Variants in OTULIN observed in about 807,000 individuals in gnomAD.
The protein encoded by OTULIN is OTU deubiquitinase with linear linkage specificity.
In OTULIN, 15 loss-of-function variants were observed where a neutral mutation model predicts 39.6. The ratio of observed to expected loss-of-function variants is 0.38; its 90% confidence interval spans 0.25 to 0.58. The LOEUF (loss-of-function observed/expected upper bound fraction) is 0.58. OTULIN is among the 20% of genes least tolerant of loss of function. The probability of loss-of-function intolerance (pLI) is 0.66; values close to 1 mark genes in which losing one functional copy is unlikely to be tolerated. For synonymous variants in OTULIN, 156 were observed against 170.3 expected (o/e 0.92, Z 0.65); for missense variants, 319 against 445.9 (o/e 0.72, Z 2.56).
At position 14,695,407 on chromosome 5, in the gene OTULIN, C is replaced by T. The variant is rs1482787048; in HGVS notation, c.*2359C>T. 6.6e-6 allele frequency: 1 copy of T among 152,172 alleles called. No individual in the cohort carries two copies. Among genetic ancestry groups the T allele is most frequent in the African/African-American group, 2.4e-5 (1 of 41,448 alleles). 9.4% of individuals were successfully genotyped at this position (152,172 alleles called of 1,614,324 possible). On this transcript the variant is annotated 3_prime_UTR_variant, in exon 7 of 7. Coordinates refer to ENST00000284274, the MANE Select transcript of OTULIN (RefSeq NM_138348.6). ...TAAGTGGATTCAGGAGGATGTTCCA[C>T]TTAGAGCAGTCTTCAAAATGATAAG... is the stretch of plus-strand genomic sequence containing the variant.
intron 1 of OTULIN, among the ~76,000 whole-genome samples, chr5:14,672,306 G>A (rs147146425): frequency 4.6e-5 from 7 of 152,266 alleles, no homozygotes; most frequent in African/African-American, 1.7e-4. Flanking sequence ...GGTTCCCTGA[G>A]TGGGAACCAT....
At chr5:14,680,925 TG>T (rs1736232252) in intron 3 of OTULIN, among the ~76,000 whole-genome samples, 1 of 152,168 alleles carries the variant, frequency 6.6e-6, no homozygotes, top group African/African-American at 2.4e-5. Context: ...CTGGGCTTGG[TG>T]GCACATACCT....
chr5:14,695,141 TC>T lies in OTULIN; in HGVS notation c.*2095del, dbSNP rs1472392959. ...ATGTGTTTCTTTTATGTTGCTTATG[TC>T]CGAAGGCCTTGTCAGAATCTGTCAG... is the stretch of plus-strand genomic sequence containing the variant. On this transcript the variant is annotated 3_prime_UTR_variant, in exon 7 of 7. Coordinates refer to ENST00000284274, the MANE Select transcript of OTULIN (RefSeq NM_138348.6). The T allele has an allele frequency of 6.6e-6, 1 of 152,256 alleles. No individual in the cohort carries two copies. Among genetic ancestry groups the T allele is most frequent in the Non-Finnish European group, 1.5e-5 (1 of 68,040 alleles). The allele number at this position is 152,256 out of a possible 1,614,324, so 9.4% of individuals were successfully genotyped here.
At chr5:14,679,078 C>CT in intron 3 of OTULIN, among the ~76,000 whole-genome samples, 1 of 152,148 alleles carries the variant, frequency 6.6e-6, no homozygotes, top group Admixed American at 6.5e-5. Context: ...TGGGAATGTC[C>CT]TTTTTGGTCT....
chr5:14,665,083 C>T, intron 1 of OTULIN, 106 bp downstream of exon 1: 1 of 884,442 alleles, frequency 1.1e-6, no homozygotes, highest in Non-Finnish European at 1.4e-6. Flanking sequence ...TGGGCGTCTT[C>T]AATTCTGAGT....
rs1290825938 is a variant in OTULIN at position 14,694,823 on chromosome 5, TTAAAG to T, written c.*1779_*1783del. 1.3e-5 allele frequency: 2 copies of T among 152,676 alleles called. No homozygotes were observed. Among genetic ancestry groups the T allele is most frequent in the African/African-American group, 2.4e-5 (1 of 41,460 alleles). 9.5% of individuals were successfully genotyped at this position (152,676 alleles called of 1,614,324 possible). A position where few individuals can be genotyped will look rare whatever the true frequency, so the allele number is the denominator to read the frequency against. On this transcript the variant is annotated 3_prime_UTR_variant, in exon 7 of 7. Coordinates refer to ENST00000284274, the MANE Select transcript of OTULIN (RefSeq NM_138348.6). ...AATAAGAAGGTACCTAGAAGCCAAA[TTAAAG>T]TAATAATGACTTCTTATTGGCTTTG...
At chr5:14,668,664 C>T (rs1335165403) in intron 1 of OTULIN, among the ~76,000 whole-genome samples, 1 of 152,122 alleles carries the variant, frequency 6.6e-6, no homozygotes, top group African/African-American at 2.4e-5. Context: ...TTAAAAAAAG[C>T]CATACTTAGT....
chr5:14,703,708 C>A (rs1736859514), downstream of OTULIN, among the ~76,000 whole-genome samples: 1 of 152,194 alleles, frequency 6.6e-6, no homozygotes, highest in African/African-American at 2.4e-5. Flanking sequence ...AGGAACTGAA[C>A]ATACTTGACC....
chr5:14,678,534 G>A (rs1736163511), intron 2 of OTULIN, 147 bp from the exon 3 acceptor site: 1 of 595,860 alleles, frequency 1.7e-6, no homozygotes. Context: ...ATGGTGGTCT[G>A]GACCAGCGGT....
At chr5:14,716,416 C>T in the OTULIN span, among the ~76,000 whole-genome samples, 23 of 152,162 alleles carry the variant, frequency 1.5e-4, no homozygotes, top group East Asian at 3.5e-3. Flanking sequence ...TGCTTGAACC[C>T]GGGAGGCAGA....
intron 4 of OTULIN, among the ~76,000 whole-genome samples, chr5:14,686,963 A>G (rs1263804009): frequency 6.6e-6 from 1 of 152,250 alleles, no homozygotes; most frequent in Non-Finnish European, 1.5e-5. Flanking sequence ...TAAACTAGAC[A>G]TAGTATCATT....
At chr5:14,680,301 A>G (rs935970306) in intron 3 of OTULIN, among the ~76,000 whole-genome samples, 1 of 152,132 alleles carries the variant, frequency 6.6e-6, no homozygotes, top group Non-Finnish European at 1.5e-5. Context: ...TTATTGGGGG[A>G]AAAAAGTACT....
At chr5:14,670,241 A>C (rs1378312749) in intron 1 of OTULIN, among the ~76,000 whole-genome samples, 3 of 152,184 alleles carry the variant, frequency 2.0e-5, no homozygotes, top group Admixed American at 1.3e-4. Context: ...TTGACACACA[A>C]AAGGTTGCCA....
At chr5:14,683,484 A>G (rs185799535) in intron 4 of OTULIN, among the ~76,000 whole-genome samples, 20 of 152,342 alleles carry the variant, frequency 1.3e-4, no homozygotes, top group Non-Finnish European at 2.8e-4. Context: ...ATAAGACCCA[A>G]CTAGAGAAGC....
chr5:14,667,447 A>G (rs929167205), intron 1 of OTULIN, among the ~76,000 whole-genome samples: 2 of 152,220 alleles, frequency 1.3e-5, no homozygotes, highest in African/African-American at 2.4e-5. Flanking sequence ...ATCATGGCTC[A>G]CTGTAGCCTC....
chr5:14,687,734 G>A, intron 5 of OTULIN, 88 bp downstream of exon 5: 2 of 1,454,372 alleles, frequency 1.4e-6, no homozygotes, highest in Admixed American at 2.5e-5. Context: ...TTCACTCAGT[G>A]GATTTTCAAA....
chr5:14,671,177 T>C (rs971179825), intron 1 of OTULIN, among the ~76,000 whole-genome samples: 1 of 152,328 alleles, frequency 6.6e-6, no homozygotes, highest in South Asian at 2.1e-4. Context: ...GTTGCTTGTT[T>C]AGAGAACCTC....
chr5:14,713,116 G>A, the OTULIN span: 35 of 820,218 alleles, frequency 4.3e-5, no homozygotes, highest in South Asian at 7.5e-5. The surrounding 1 kb of genome is among the most constrained non-coding windows in gnomAD (Gnocchi z 4.4). Flanking sequence ...CGTAAGGGCC[G>A]CAGCTAATAA....
intron 3 of OTULIN, among the ~76,000 whole-genome samples, chr5:14,679,440 T>C (rs1736189338): frequency 1.3e-5 from 2 of 152,216 alleles, no homozygotes; most frequent in African/African-American, 4.8e-5. Flanking sequence ...ACCATGTGAA[T>C]TGCTCAAAAA....
Sources: gnomAD v4.1 joint callset for allele counts (sites outside exome capture counted in the v4.1 genomes callset) on GRCh38, gnomAD v4.1.1 for gene constraint, Gnocchi (gnomAD v3.1) non-coding constraint, MANE v1.5 for transcripts, NCBI Gene and HGNC (gene_info 2026-07-23, HGNC 2026-07-21) for gene names.